HIP1: variants seen among roughly 807,000 people sequenced by gnomAD.
HIP1 encodes huntingtin-interacting protein 1.
A neutral mutation model predicts 147.6 loss-of-function variants in HIP1; 65 were observed. The observed-to-expected ratio is 0.44, with a 90% CI of 0.36 to 0.54. HIP1 has a LOEUF of 0.54. HIP1 is among the 20% of genes least tolerant of loss of function. The probability of loss-of-function intolerance (pLI) is 0.00; values close to 1 mark genes in which losing one functional copy is unlikely to be tolerated. For synonymous variants in HIP1, 479 were observed against 504.0 expected (o/e 0.95, Z 0.67); for missense variants, 1,061 against 1,299.6 (o/e 0.82, Z 2.82).
chr7:75,632,561 CTTTTTTT>C (rs58364410), intron 1 of HIP1, among the ~76,000 whole-genome samples: 20 of 134,288 alleles, frequency 1.5e-4, no homozygotes, highest in African/African-American at 5.1e-4. Flanking sequence ...CTAATTTTTT[CTTTTTTT>C]TTTTTTTTTT....
At chr7:75,579,991 G>A (rs1259731570) in intron 7 of HIP1, among the ~76,000 whole-genome samples, 3 of 152,172 alleles carry the variant, frequency 2.0e-5, no homozygotes, top group Admixed American at 6.6e-5. Flanking sequence ...GGGAGGAGAC[G>A]CGCTGGAGAG....
intron 1 of HIP1, among the ~76,000 whole-genome samples, chr7:75,690,152 G>A (rs1346881199): frequency 1.3e-5 from 2 of 152,098 alleles, no homozygotes; most frequent in Admixed American, 6.6e-5. Context: ...GCACATGCCT[G>A]TAGTAGTTCC....
intron 1 of HIP1, among the ~76,000 whole-genome samples, chr7:75,646,653 C>T (rs1798813105): frequency 1.3e-5 from 2 of 152,228 alleles, no homozygotes; most frequent in African/African-American, 4.8e-5. Flanking sequence ...GCCCCCTTTC[C>T]CCAGGGGTCC....
intron 1 of HIP1, among the ~76,000 whole-genome samples, chr7:75,683,062 A>C (rs1215919339): frequency 1.3e-5 from 2 of 151,696 alleles, no homozygotes; most frequent in Non-Finnish European, 2.9e-5. Flanking sequence ...GGCTCACTGC[A>C]AACTCCGCCT....
Position 75,536,863 on chromosome 7 carries a change from T to C in HIP1, c.*1309A>G, listed in dbSNP as rs1480598129. On this transcript the variant is annotated 3_prime_UTR_variant, in exon 31 of 31. Transcript: ENST00000336926. ...TCTGATTGCTCCAAGCATCTCTTTG[T>C]AGGCTGTTGCTGCTTAAGGGAGGTT... 4.3e-6 allele frequency: 1 copy of C among 230,556 alleles called. No individual in the cohort carries two copies. The highest frequency in any genetic ancestry group is 2.2e-5 in the African/African-American group (1 of 45,216). The allele number at this position is 230,556 out of a possible 1,614,324, so 14.3% of individuals were successfully genotyped here.
rs1563230194 is a variant in HIP1, at chr7:75,595,235, T to TTCCTTCCTTC, written c.185-2722_185-2721insGAAGGAAGGA. Among the ~76,000 whole-genome samples the TTCCTTCCTTC allele has an allele frequency of 7.3e-5, 8 of 109,450 alleles. No homozygotes were observed. The East Asian group carries it at 7.4e-4, about 10-fold the overall frequency. 71.8% of individuals were successfully genotyped at this position (109,450 alleles called of 152,430 possible). On this transcript the variant is annotated intron_variant, in intron 2 of 30. Coordinates refer to ENST00000336926, the MANE Select transcript of HIP1 (RefSeq NM_005338.7). ...TTCTTTCTTTCTTTCTTTCTTTCTT[T>TTCCTTCCTTC]CTTTCTTTCTTTCTTTCTTCCTTCC...
chr7:75,542,995 T>G (rs1260412824), intron 27 of HIP1, 21 bp from the exon 28 acceptor site: 14 of 1,607,096 alleles, frequency 8.7e-6, no homozygotes. Flanking sequence ...AAAGCAGATT[T>G]AGGTTCATAC....
At chr7:75,705,710 T>G (rs1205184116) in intron 1 of HIP1, among the ~76,000 whole-genome samples, 1 of 152,094 alleles carries the variant, frequency 6.6e-6, no homozygotes, top group African/African-American at 2.4e-5. Context: ...AACCACATTT[T>G]GCTTATCCAT....
At chr7:75,700,693 A>G (rs1800797582) in intron 1 of HIP1, among the ~76,000 whole-genome samples, 1 of 151,904 alleles carries the variant, frequency 6.6e-6, no homozygotes, top group Non-Finnish European at 1.5e-5. Flanking sequence ...CTGGGGTTAC[A>G]GTGACCAGGT....
At chr7:75,733,950 C>T (rs1801925520) in intron 1 of HIP1, 1 of 153,352 alleles carries the variant, frequency 6.5e-6, no homozygotes, top group Non-Finnish European at 1.4e-5. Context: ...CCCATCTCTA[C>T]AAAAAAAATT....
chr7:75,682,581 GAAAAC>G (rs3216943), intron 1 of HIP1, among the ~76,000 whole-genome samples: 6 of 148,658 alleles, frequency 4.0e-5, no homozygotes, highest in South Asian at 2.1e-4. Context: ...TTTACAGACA[GAAAAC>G]AAAACAAAAC....
At chr7:75,552,577 G>C (rs1446017027) in intron 22 of HIP1, among the ~76,000 whole-genome samples, 1 of 151,182 alleles carries the variant, frequency 6.6e-6, no homozygotes, top group Non-Finnish European at 1.5e-5. Flanking sequence ...GGCTGATATT[G>C]AACTCCTGGC....
intron 1 of HIP1, among the ~76,000 whole-genome samples, chr7:75,615,183 C>T (rs1797609496): frequency 6.6e-6 from 1 of 152,158 alleles, no homozygotes; most frequent in African/African-American, 2.4e-5. Flanking sequence ...CAGTTGTGGA[C>T]AGCCATGCAC....
chr7:75,700,070 C>T (rs1187297047), intron 1 of HIP1, among the ~76,000 whole-genome samples: 1 of 152,120 alleles, frequency 6.6e-6, no homozygotes, highest in Non-Finnish European at 1.5e-5. Context: ...AGGCTGGTCT[C>T]GAACTCCTGG....
chr7:75,657,960 A>G (rs1799194756), intron 1 of HIP1, among the ~76,000 whole-genome samples: 1 of 152,166 alleles, frequency 6.6e-6, no homozygotes, highest in Non-Finnish European at 1.5e-5. Context: ...CTTTTGTACT[A>G]AGAAATACTA....
chr7:75,664,099 C>T (rs1275445063), intron 1 of HIP1, among the ~76,000 whole-genome samples: 2 of 33,210 alleles, frequency 6.0e-5, no homozygotes, highest in African/African-American at 3.9e-4. Context: ...CACATATGTG[C>T]ATACATACAT....
Position 75,585,298 on chromosome 7 carries a change from C to A in HIP1, c.465+1455G>T, listed in dbSNP as rs1480862505. 3.3e-5 allele frequency among the ~76,000 whole-genome samples: 5 copies of A among 151,940 alleles called. No individual in the cohort carries two copies. In the East Asian group the frequency reaches 5.8e-4, roughly 18 times the overall value. ...CTCCCAGGTTCAAGCGATTCTCCTG[C>A]CTCAGCCTCCCGAGTAGCTGGGACT... On this transcript the variant is annotated intron_variant, in intron 5 of 30. Transcript: ENST00000336926.
In HIP1 at chr7:75,630,351, C is replaced by T. The variant is rs138630651; in HGVS notation, c.121-31104G>A. ...GTGTGCACCTGTAGTCCCAACTACT[C>T]GGGAGGCTGAGGTGGGAGAATCACT... On this transcript the variant is annotated intron_variant, in intron 1 of 30. Transcript: ENST00000336926. Among the ~76,000 whole-genome samples the T allele has an allele frequency of 8.7e-3, 1,149 of 132,670 alleles. 35 individuals carry two copies. The East Asian group carries it at 0.087, about 10-fold the overall frequency. 87.0% of individuals were successfully genotyped at this position (132,670 alleles called of 152,430 possible).
In HIP1 at chr7:75,720,271, G is replaced by A. The variant is rs138411392; in HGVS notation, c.120+18530C>T. Among the ~76,000 whole-genome samples the A allele has an allele frequency of 3.2e-3, 479 of 152,022 alleles. 8 individuals are homozygous for A. Among genetic ancestry groups the A allele is most frequent in the Middle Eastern group, 6.8e-3 (2 of 294 alleles). ...CGCCTCCTGGGTTCAAGCGATTCTCGTGCCTCAGCCTCCCAAGTAGCTGGG... is the reference window on the plus strand; with the variant it reads ...CGCCTCCTGGGTTCAAGCGATTCTCATGCCTCAGCCTCCCAAGTAGCTGGG... On this transcript the variant is annotated intron_variant, in intron 1 of 30. Transcript: ENST00000336926.
Sources: gnomAD v4.1 joint callset for allele counts (sites outside exome capture counted in the v4.1 genomes callset) on GRCh38, gnomAD v4.1.1 for gene constraint, MANE v1.5 for transcripts, NCBI Gene and HGNC (gene_info 2026-07-23, HGNC 2026-07-21) for gene names.